Variants in MDM2 observed in about 807,000 individuals in gnomAD.
MDM2 encodes E3 ubiquitin-protein ligase Mdm2.
MDM2 carries 11 observed loss-of-function variants against 64.3 expected under a neutral mutation model. That is an observed-to-expected ratio of 0.17 (90% CI 0.11 to 0.28). The LOEUF is 0.28. MDM2 is among the 10% of genes least tolerant of loss of function. The probability of loss-of-function intolerance (pLI) is 1.00; values close to 1 mark genes in which losing one functional copy is unlikely to be tolerated. For synonymous variants in MDM2, 194 were observed against 192.9 expected (o/e 1.01, Z -0.05); for missense variants, 388 against 577.1 (o/e 0.67, Z 3.36).
At position 68,822,515 on chromosome 12, in the gene MDM2, G is replaced by A. The variant is rs569069451; in HGVS notation, c.359-1848G>A. On this transcript the variant is annotated intron_variant, in intron 5 of 10. Coordinates refer to ENST00000258149, the MANE Select transcript of MDM2 (RefSeq NM_002392.6). ...GTTTTAAAGCTCTTTAAGAAATTGT[G>A]TGATAGCTAAATATACAATTGTAGT... is the stretch of plus-strand genomic sequence containing the variant. Among the ~76,000 whole-genome samples, 446 of 152,018 alleles carry A rather than the reference G, an allele frequency of 2.9e-3. 1 individual carries two copies. The highest frequency in any genetic ancestry group is 3.1e-3 in the Non-Finnish European group (210 of 67,988).
rs200828111 is a variant in MDM2, at chr12:68,839,611, A to G, written c.1256A>G (p.Glu419Gly). 1 of 1,613,888 alleles carries G rather than the reference A, an allele frequency of 6.2e-7. No homozygotes were observed. The highest frequency in any genetic ancestry group is 8.5e-7 in the Non-Finnish European group (1 of 1,179,994). ...TATAGCAGCCAAGAAGATGTGAAAG[A>G]GTTTGAAAGGGAAGAAACCCAAGAC... ...IIYSSQEDVK[E>G]FEREETQDKE... is the part of the protein sequence containing the mutation. The change falls in exon 11 of 11, where the codon GAG becomes GGG. Residue 419 changes from glutamate to glycine, a missense_variant. Physicochemically the swap from Glu to Gly is moderately conservative, Grantham distance 98 (BLOSUM62 -2). Around this residue, in one of 5 missense-constraint regions of MDM2, gnomAD observed 138 missense variants for 143.7 expected, o/e 0.96. Transcript: ENST00000258149.
rs35815088 is a variant in MDM2 at position 68,833,126 on chromosome 12, CAAAAAAAAAAAA to C, written c.685-2690_685-2679del. On this transcript the variant is annotated intron_variant, in intron 8 of 10. Coordinates refer to ENST00000258149, the MANE Select transcript of MDM2 (RefSeq NM_002392.6). ...GGGTGACAGAGCGAGACTCTGTCTCCAAAAAAAAAAAAAAAAAAAAAAAATATATATATATAT... is the reference window on the plus strand; with the variant it reads ...GGGTGACAGAGCGAGACTCTGTCTCCAAAAAAAAAAAATATATATATATAT... 3.8e-3 allele frequency among the ~76,000 whole-genome samples: 237 copies of C among 61,730 alleles called. 1 individual carries two copies. Among genetic ancestry groups the C allele is most frequent in the African/African-American group, 0.012 (231 of 19,690 alleles). The allele number at this position is 61,730 out of a possible 152,430, so 40.5% of individuals were successfully genotyped here.
chr12:68,819,139 G>T (rs544910094), intron 4 of MDM2, among the ~76,000 whole-genome samples: 1 of 152,258 alleles, frequency 6.6e-6, no homozygotes, highest in South Asian at 2.1e-4. Context: ...AAAAGGATAT[G>T]AATTAAAAAT....
intron 10 of MDM2, 149 bp downstream of exon 10, chr12:68,836,898 A>G (rs1456493708): frequency 2.0e-6 from 1 of 507,744 alleles, no homozygotes; most frequent in East Asian, 3.5e-5. Flanking sequence ...TTTTTCTTTT[A>G]TTTGTTGTGA....
At position 68,839,595 on chromosome 12, in the gene MDM2, CAAG is replaced by C. The variant is rs1883587038; in HGVS notation, c.1245_1247del (p.Glu415del). 6.2e-7 allele frequency: 1 copy of C among 1,613,016 alleles called. No homozygotes were observed. Among genetic ancestry groups the C allele is most frequent in the Non-Finnish European group, 8.5e-7 (1 of 1,179,936 alleles). The stretch of plus-strand genomic sequence containing the variant: ...TTCTAGTAGCATTATTTATAGCAGC[CAAG>C]AAGATGTGAAAGAGTTTGAAAGGGA... On this transcript the variant is annotated inframe_deletion, in exon 11 of 11. Transcript: ENST00000258149.
At chr12:68,824,504 T>C (rs1882137851) in intron 6 of MDM2, 51 bp from the exon 7 acceptor site, 1 of 1,590,880 alleles carries the variant, frequency 6.3e-7, no homozygotes, top group Non-Finnish European at 8.6e-7. Context: ...ACAAGTTAGC[T>C]TACTGGTTAT....
intron 4 of MDM2, 40 bp downstream of exon 4, chr12:68,816,985 GC>G: frequency 1.2e-6 from 2 of 1,600,514 alleles, no homozygotes; most frequent in Non-Finnish European, 1.7e-6. Context: ...AGCCATCTGG[GC>G]TAACATTTCA....
intron 2 of MDM2, among the ~76,000 whole-genome samples, chr12:68,810,115 T>C (rs1427759579): frequency 3.3e-5 from 5 of 152,206 alleles, no homozygotes; most frequent in African/African-American, 1.2e-4. Context: ...AGTTCAAGAC[T>C]AGCCTGGCCA....
chr12:68,820,747 T>C (rs1440849273), intron 5 of MDM2, among the ~76,000 whole-genome samples: 1 of 152,252 alleles, frequency 6.6e-6, no homozygotes, highest in Non-Finnish European at 1.5e-5. Flanking sequence ...TGAGTCTTTT[T>C]CTTTGGTTAT....
intron 8 of MDM2, 149 bp from the exon 9 acceptor site, chr12:68,835,680 C>A: frequency 8.8e-6 from 6 of 681,206 alleles, no homozygotes; most frequent in Non-Finnish European, 1.4e-5. Flanking sequence ...CGCCGATCTC[C>A]CTCGGGAAGT....
At chr12:68,845,584 A>G (rs539954474), downstream of MDM2, 15 of 181,344 alleles carry the variant, frequency 8.3e-5, no homozygotes, top group Non-Finnish European at 1.4e-4. Context: ...TTGAATTCGT[A>G]TTGCTTTCCT....
intron 8 of MDM2, among the ~76,000 whole-genome samples, chr12:68,833,265 TTA>T (rs1371574343): frequency 1.9e-5 from 1 of 52,516 alleles, no homozygotes; most frequent in African/African-American, 7.2e-5. Context: ...ATTTATATAA[TTA>T]TATATTTATA....
chr12:68,835,693 C>G (rs559708524), intron 8 of MDM2, 136 bp from the exon 9 acceptor site: 1 of 773,628 alleles, frequency 1.3e-6, no homozygotes. Flanking sequence ...CGGGAAGTCC[C>G]GGATCAGAGC....
chr12:68,847,599 G>C (rs896511635), downstream of MDM2: 2 of 151,108 alleles, frequency 1.3e-5, no homozygotes, highest in African/African-American at 4.9e-5. Context: ...GACTACAGGC[G>C]CCCGCCACCG....
intron 4 of MDM2, among the ~76,000 whole-genome samples, chr12:68,819,787 G>A (rs369798292): frequency 4.9e-4 from 75 of 152,292 alleles, no homozygotes; most frequent in African/African-American, 1.5e-3. Flanking sequence ...GAGCCACTGC[G>A]CCCGGCCTCT....
Position 68,842,933 on chromosome 12 carries a change from G to A in MDM2, c.*3084G>A, listed in dbSNP as rs867618108. ...TGACAGATAGTTGGGGATGAGAGCC[G>A]AATAAGGTTTGCCTGAAATAACTGA... On this transcript the variant is annotated 3_prime_UTR_variant, in exon 11 of 11. Transcript: ENST00000258149. 5.2e-5 allele frequency: 11 copies of A among 209,822 alleles called. No homozygotes were observed. Among genetic ancestry groups the A allele is most frequent in the African/African-American group, 1.1e-4 (5 of 44,070 alleles). The allele number at this position is 209,822 out of a possible 1,614,324, so 13.0% of individuals were successfully genotyped here. A position where few individuals can be genotyped will look rare whatever the true frequency, so the allele number is the denominator to read the frequency against.
intron 5 of MDM2, among the ~76,000 whole-genome samples, chr12:68,823,974 T>G (rs1882087355): frequency 6.6e-6 from 1 of 152,198 alleles, no homozygotes; most frequent in South Asian, 2.1e-4. Context: ...AGTTTGCTTT[T>G]GGATACTTTT....
In MDM2 at chr12:68,842,183, T is replaced by TG; in HGVS notation, c.*2335dup. ...AAGAACTATGGAATAAAACTACTGA[T>TG]GCAGTGAAGACAGTTGAAAAGATCA... is the stretch of plus-strand genomic sequence containing the variant. On this transcript the variant is annotated 3_prime_UTR_variant, in exon 11 of 11. Transcript: ENST00000258149. 2.0e-6 allele frequency: 1 copy of TG among 494,260 alleles called. No individual in the cohort carries two copies. Among genetic ancestry groups the TG allele is most frequent in the Non-Finnish European group, 4.0e-6 (1 of 250,986 alleles). The allele number at this position is 494,260 out of a possible 1,614,324, so 30.6% of individuals were successfully genotyped here.
chr12:68,811,477 T>C (rs1369542267), intron 2 of MDM2, among the ~76,000 whole-genome samples: 1 of 152,160 alleles, frequency 6.6e-6, no homozygotes, highest in Non-Finnish European at 1.5e-5. Context: ...TATTTAGATC[T>C]TCACCTGTAA....
Sources: gnomAD v4.1 joint callset for allele counts (sites outside exome capture counted in the v4.1 genomes callset) on GRCh38, gnomAD v4.1.1 for gene constraint, gnomAD v4.1.1 regional missense constraint, MANE v1.5 for transcripts, NCBI Gene and HGNC (gene_info 2026-07-23, HGNC 2026-07-21) for gene names.